NBPF11: variants seen among roughly 807,000 people sequenced by gnomAD.
The protein encoded by NBPF11 is NBPF family member NBPF11.
A neutral mutation model predicts 93.9 loss-of-function variants in NBPF11; 72 were observed. The ratio of observed to expected loss-of-function variants is 0.77; its 90% CI spans 0.63 to 0.93. The LOEUF (loss-of-function observed/expected upper bound fraction) is 0.93, where lower values mean the gene tolerates loss of function less well. NBPF11 is among the 40% of genes least tolerant of loss of function. NBPF11 has a pLI of 0.00. For synonymous variants in NBPF11, 224 were observed against 304.9 expected (o/e 0.73, Z 2.76); for missense variants, 705 against 802.2 (o/e 0.88, Z 1.46).
intron 4 of NBPF11, 136 bp from the exon 5 acceptor site, chr1:148,127,174 T>C: frequency 2.8e-6 from 1 of 354,522 alleles, no homozygotes; most frequent in Non-Finnish European, 4.7e-6. Context: ...CCCACAGCAC[T>C]TTAGGATCCT....
chr1:148,143,977 T>C (rs1672588278), intron 1 of NBPF11, among the ~76,000 whole-genome samples: 1 of 150,512 alleles, frequency 6.6e-6, no homozygotes, highest in Non-Finnish European at 1.5e-5. Flanking sequence ...GGAGGATTCC[T>C]TGAGCCTTGA....
At chr1:148,108,799 G>T in intron 17 of NBPF11, 145 bp from the exon 18 acceptor site, 1 of 630,980 alleles carries the variant, frequency 1.6e-6, no homozygotes, top group Non-Finnish European at 3.0e-6. Flanking sequence ...TTGCCTTTAT[G>T]TTGGGATAGA....
Position 148,103,948 on chromosome 1 carries a change from G to A in NBPF11, c.2582-36C>T, listed in dbSNP as rs1662894961. 59 of 1,610,462 alleles carry A rather than the reference G, an allele frequency of 3.7e-5. No individual in the cohort carries two copies. The South Asian group carries it at 6.3e-4, about 17-fold the overall frequency. ...AGACAAAACTAAAGAAGCAGCCAGG[G>A]AAAATCAGACACCACAGAGCCCCAC... On this transcript the variant is annotated intron_variant, in intron 23 of 23. Transcript: ENST00000682118.
Position 148,108,839 on chromosome 1 carries a change from A to AC in NBPF11, c.1854-186_1854-185insG, listed in dbSNP as rs1664483126. 8.8e-5 allele frequency among the ~76,000 whole-genome samples: 11 copies of AC among 124,458 alleles called. No individual in the cohort carries two copies. The South Asian group carries it at 2.8e-3, about 32-fold the overall frequency. The allele number at this position is 124,458 out of a possible 152,430, so 81.6% of individuals were successfully genotyped here. ...GGCCAGGTAGAAAAGGATGAAAGAG[A>AC]AAGACACACACACACACACACACAC... On this transcript the variant is annotated intron_variant, in intron 17 of 23. Transcript: ENST00000682118.
chr1:148,105,230 T>C, intron 22 of NBPF11, 130 bp downstream of exon 22: 1 of 605,346 alleles, frequency 1.7e-6, no homozygotes, highest in Non-Finnish European at 2.9e-6. Context: ...TCATTCAACC[T>C]ACATGTGCCT....
intron 4 of NBPF11, among the ~76,000 whole-genome samples, chr1:148,133,466 C>G (rs1238397357): frequency 6.6e-6 from 1 of 152,070 alleles, no homozygotes; most frequent in Non-Finnish European, 1.5e-5. Context: ...CAAATCTGCC[C>G]TTAATGGGGT....
rs1667579494 is a variant in NBPF11 at position 148,120,517 on chromosome 1, C to G, written c.972G>C (p.Lys324Asn). 1.2e-5 allele frequency: 11 copies of G among 916,914 alleles called. No homozygotes were observed. Among genetic ancestry groups the G allele is most frequent in the South Asian group, 9.1e-5 (7 of 77,276 alleles). The allele number at this position is 916,914 out of a possible 1,614,324, so 56.8% of individuals were successfully genotyped here. ...AGATCTTACTGTATTTGTTCTGCTG[C>G]TTGGCCAGGAAGCAGGCCACTTGAG... is the stretch of plus-strand genomic sequence containing the variant. ...FVTQVACFLA[K>N]QQNKYKYEEC... Residue 324 changes from lysine to asparagine, a missense_variant, in exon 10 of 24, where the codon AAG becomes AAC. By Grantham distance (94) the Lys-to-Asn change is moderately conservative (BLOSUM62 0). Transcript: ENST00000682118.
At chr1:148,125,942 C>A (rs1415273014) in intron 5 of NBPF11, among the ~76,000 whole-genome samples, 1 of 151,960 alleles carries the variant, frequency 6.6e-6, no homozygotes, top group African/African-American at 2.4e-5. Context: ...CACCAGGAAG[C>A]AGACTTCACT....
chr1:148,146,504 T>C, intron 1 of NBPF11: 2 of 1,603,700 alleles, frequency 1.2e-6, no homozygotes, highest in Non-Finnish European at 8.5e-7. Flanking sequence ...ACCTACTCCC[T>C]GGTGCCTGAG....
rs1375048671 is a variant in NBPF11 at position 148,108,544 on chromosome 1, G to T, written c.1964C>A (p.Pro655His). 3.7e-6 allele frequency: 6 copies of T among 1,603,058 alleles called. No individual in the cohort carries two copies. In the Admixed American group the frequency reaches 8.3e-5, roughly 22 times the overall value. Residue 655 changes from proline (P) to histidine (H), a missense_variant, in exon 18 of 24, where the codon CCC becomes CAC. Physicochemically the swap from Pro to His is moderately conservative, Grantham distance 77. Around this residue, in one of 12 missense-constraint regions of NBPF11, gnomAD observed 97 missense variants for 65.0 expected, o/e 1.49. Transcript: ENST00000682118. ...VYLGLTDSCQ[P>H]YRSAFYVLEQ... Reference sequence around the variant, plus strand: ...CAATACGTAAAAGGCACTTCTGTAGGGCTGGCATGAGTCAGTCAGTCCAAG... The same window carrying T: ...CAATACGTAAAAGGCACTTCTGTAGTGCTGGCATGAGTCAGTCAGTCCAAG...
chr1:148,121,348 C>CTTT (rs782740427), intron 9 of NBPF11, among the ~76,000 whole-genome samples: 1 of 124,850 alleles, frequency 8.0e-6, no homozygotes, highest in Non-Finnish European at 1.7e-5. Flanking sequence ...TGGTCAGAGA[C>CTTT]TTTTTTTTTT....
In NBPF11 at chr1:148,103,813, G is replaced by A; in HGVS notation, c.*83C>T. On this transcript the variant is annotated 3_prime_UTR_variant, in exon 24 of 24. Coordinates refer to ENST00000682118, the MANE Select transcript of NBPF11 (RefSeq NM_001385469.3). ...ACACACTTCTGTAGTGCTGGAATGA[G>A]TCAGGTAGTTCAAAGTACATTGATG... 3.1e-6 allele frequency: 5 copies of A among 1,611,872 alleles called. No homozygotes were observed. Among genetic ancestry groups the A allele is most frequent in the Non-Finnish European group, 4.2e-6 (5 of 1,179,458 alleles).
intron 2 of NBPF11, among the ~76,000 whole-genome samples, chr1:148,138,964 G>A (rs1316519090): frequency 9.9e-5 from 15 of 151,216 alleles, no homozygotes; most frequent in South Asian, 6.3e-4. Flanking sequence ...GGTGGCAGGC[G>A]CCTGTAATCC....
At chr1:148,136,401 A>ATGGATCAATAAAC (rs1553275249) in intron 3 of NBPF11, among the ~76,000 whole-genome samples, 6 of 151,906 alleles carry the variant, frequency 3.9e-5, no homozygotes, top group Non-Finnish European at 7.3e-5. Context: ...CAATACAAGA[A>ATGGATCAATAAAC]TGTGATACAT....
intron 2 of NBPF11, among the ~76,000 whole-genome samples, chr1:148,138,298 T>C (rs1406052062): frequency 2.7e-5 from 4 of 149,872 alleles, no homozygotes; most frequent in Non-Finnish European, 4.4e-5. Flanking sequence ...TGCCCAGGGA[T>C]GAGCAGGAGA....
rs1662585659 is a variant in NBPF11 at position 148,102,621 on chromosome 1, A to C, written c.*1275T>G. 1 of 150,784 alleles carries C rather than the reference A, an allele frequency of 6.6e-6. No individual in the cohort carries two copies. The highest frequency in any genetic ancestry group is 2.5e-5 in the African/African-American group (1 of 40,358). The allele number at this position is 150,784 out of a possible 1,614,324, so 9.3% of individuals were successfully genotyped here. Reference sequence around the variant, plus strand: ...TGAATTTAATTATGAAGACATTTTCAGACAACTTCAGAATGTAGATCATTG... The same window carrying C: ...TGAATTTAATTATGAAGACATTTTCCGACAACTTCAGAATGTAGATCATTG... On this transcript the variant is annotated 3_prime_UTR_variant, in exon 24 of 24. Coordinates refer to ENST00000682118, the MANE Select transcript of NBPF11 (RefSeq NM_001385469.3).
At chr1:148,118,117 CAT>C (rs1245115419) in intron 11 of NBPF11, among the ~76,000 whole-genome samples, 1 of 148,232 alleles carries the variant, frequency 6.7e-6, no homozygotes, top group Non-Finnish European at 1.5e-5. Flanking sequence ...TGAAAATACA[CAT>C]AGTGCATCTT....
chr1:148,138,494 G>C (rs1310249237), intron 2 of NBPF11, among the ~76,000 whole-genome samples: 2 of 151,928 alleles, frequency 1.3e-5, no homozygotes, highest in Admixed American at 1.3e-4. Context: ...CCTAGGCAGA[G>C]GTCCCTGCAG....
intron 1 of NBPF11, among the ~76,000 whole-genome samples, chr1:148,148,437 G>A (rs1647302693): frequency 6.6e-6 from 1 of 152,114 alleles, no homozygotes; most frequent in South Asian, 2.1e-4. Context: ...AACTGGTGCT[G>A]GATCAGCTGG....
Sources: allele counts gnomAD v4.1 joint callset (sites outside exome capture counted in the v4.1 genomes callset), GRCh38; gene constraint gnomAD v4.1.1; regional missense constraint gnomAD v4.1.1; transcripts MANE v1.5; gene names NCBI Gene and HGNC (gene_info 2026-07-23, HGNC 2026-07-21).